GPR19: variants seen among roughly 807,000 people sequenced by gnomAD.
GPR19 encodes the protein probable G protein-coupled receptor 19.
In GPR19, 14 loss-of-function variants were observed where a neutral mutation model predicts 28.5. The observed-to-expected ratio is 0.49, with a 90% CI of 0.32 to 0.77. The LOEUF is 0.77. Among genes scored for constraint, GPR19 ranks in the 30% least tolerant of loss-of-function variants. The pLI, the probability that GPR19 is intolerant of heterozygous loss-of-function variation, is 0.03. For missense variants in GPR19, 409 were observed against 504.1 expected (o/e 0.81, Z 1.81); for synonymous variants, 173 against 184.1 (o/e 0.94, Z 0.49).
chr12:12,684,231 T>G (rs967139368), intron 3 of GPR19, 120 bp downstream of exon 3: 1 of 152,158 alleles, frequency 6.6e-6, no homozygotes, highest in Non-Finnish European at 1.5e-5. Flanking sequence ...GTAACAAACC[T>G]AAAGCCTCTA....
chr12:12,692,696 T>G (rs929675908), intron 2 of GPR19, among the ~76,000 whole-genome samples: 1 of 146,622 alleles, frequency 6.8e-6, no homozygotes, highest in Non-Finnish European at 1.5e-5. Flanking sequence ...TTATAGTTGT[T>G]TTTTTTGTTT....
the GPR19 span, chr12:12,717,068 G>T: frequency 2.0e-6 from 2 of 1,008,388 alleles, no homozygotes; most frequent in Non-Finnish European, 2.4e-6. Flanking sequence ...GCCGGGCCCC[G>T]AACCTCAGGC....
At chr12:12,689,189 A>G (rs996903935) in intron 2 of GPR19, among the ~76,000 whole-genome samples, 18 of 152,200 alleles carry the variant, frequency 1.2e-4, no homozygotes, top group African/African-American at 4.1e-4. Flanking sequence ...TTCACTCACT[A>G]TAGTAAGAAC....
chr12:12,693,952 C>CGG (rs1459931813), intron 2 of GPR19, among the ~76,000 whole-genome samples: 2 of 152,046 alleles, frequency 1.3e-5, no homozygotes, highest in African/African-American at 4.8e-5. Flanking sequence ...CCCCCCGCCT[C>CGG]CGCCTCCCAA....
chr12:12,699,297 G>C (rs749817076), upstream of GPR19, among the ~76,000 whole-genome samples: 1 of 152,006 alleles, frequency 6.6e-6, no homozygotes, highest in Non-Finnish European at 1.5e-5. Context: ...AGCCGAGATC[G>C]TGCCACAGCA....
chr12:12,685,836 C>A (rs1345626756), intron 2 of GPR19, among the ~76,000 whole-genome samples: 3 of 152,192 alleles, frequency 2.0e-5, no homozygotes, highest in Admixed American at 6.5e-5. Flanking sequence ...AAATCAATTT[C>A]TCCTCAGGTT....
chr12:12,700,997 TC>T (rs1946319639), upstream of GPR19, among the ~76,000 whole-genome samples: 1 of 151,752 alleles, frequency 6.6e-6, no homozygotes, highest in African/African-American at 2.4e-5. Flanking sequence ...ACATGATTCT[TC>T]CTTGGATGTA....
At chr12:12,707,989 CTTTTTTTTTTTTT>C in the GPR19 span, among the ~76,000 whole-genome samples, 5 of 62,442 alleles carry the variant, frequency 8.0e-5, no homozygotes, top group East Asian at 2.8e-3. Flanking sequence ...ATTTCCTATT[CTTTTTTTTTTTTT>C]TTTTTTTTTT....
chr12:12,695,759 A>G (rs149050243), intron 1 of GPR19, among the ~76,000 whole-genome samples: 275 of 152,274 alleles, frequency 1.8e-3, no homozygotes, highest in Non-Finnish European at 2.9e-3. Flanking sequence ...TTTAAGAAAA[A>G]TGTCCTCTAC....
intron 3 of GPR19, among the ~76,000 whole-genome samples, chr12:12,674,570 G>A (rs1467775551): frequency 7.2e-5 from 11 of 152,180 alleles, no homozygotes; most frequent in Non-Finnish European, 1.3e-4. Flanking sequence ...GAGAGCAAGA[G>A]AGAAAAAGTT....
At chr12:12,706,397 A>G in the GPR19 span, among the ~76,000 whole-genome samples, 1 of 152,170 alleles carries the variant, frequency 6.6e-6, no homozygotes, top group Non-Finnish European at 1.5e-5. Flanking sequence ...TAAAAGTTGT[A>G]GTACCCTAAG....
intron 3 of GPR19, among the ~76,000 whole-genome samples, chr12:12,681,330 T>C (rs1946017396): frequency 6.6e-6 from 1 of 152,208 alleles, no homozygotes; most frequent in African/African-American, 2.4e-5. Context: ...CAGGTATCAC[T>C]TTCTCATAGT....
chr12:12,667,680 C>A (rs962343121), intron 3 of GPR19, among the ~76,000 whole-genome samples: 3 of 141,806 alleles, frequency 2.1e-5, no homozygotes, highest in Non-Finnish European at 4.6e-5. Flanking sequence ...GAGAGTGAGA[C>A]TCTGCATCTC....
At chr12:12,705,657 C>G in the GPR19 span, among the ~76,000 whole-genome samples, 1 of 151,946 alleles carries the variant, frequency 6.6e-6, no homozygotes, top group African/African-American at 2.4e-5. Flanking sequence ...AAGAGATCCT[C>G]TCACCTCAGC....
chr12:12,678,787 C>T (rs1945976062), intron 3 of GPR19, among the ~76,000 whole-genome samples: 1 of 152,184 alleles, frequency 6.6e-6, no homozygotes, highest in Admixed American at 6.5e-5. Flanking sequence ...ACTGCAATTA[C>T]TTTCGCACCA....
chr12:12,667,478 G>A (rs546425761), intron 3 of GPR19, among the ~76,000 whole-genome samples: 121 of 152,094 alleles, frequency 8.0e-4, no homozygotes, highest in African/African-American at 2.7e-3. Context: ...ATCACCTGAG[G>A]TCAGGAGTTC....
At chr12:12,716,646 T>C in the GPR19 span, 15 of 519,068 alleles carry the variant, frequency 2.9e-5, no homozygotes, top group South Asian at 8.2e-4. Flanking sequence ...TCCTTTCTTA[T>C]TTTCATTGAG....
intron 2 of GPR19, among the ~76,000 whole-genome samples, chr12:12,685,572 C>G (rs561255819): frequency 1.3e-5 from 2 of 152,188 alleles, no homozygotes; most frequent in South Asian, 2.1e-4. Context: ...AGCCTGCTGA[C>G]TAAAGAAAGG....
intron 2 of GPR19, chr12:12,685,194 A>G (rs1946075578): frequency 6.6e-6 from 1 of 151,068 alleles, no homozygotes; most frequent in African/African-American, 2.4e-5. Flanking sequence ...ATTTCCTTAA[A>G]CCCAAAAGAC....
Sources: gnomAD v4.1 joint callset for allele counts (sites outside exome capture counted in the v4.1 genomes callset) on GRCh38, gnomAD v4.1.1 for gene constraint, MANE v1.5 for transcripts, NCBI Gene and HGNC (gene_info 2026-07-23, HGNC 2026-07-21) for gene names.